APC: variants seen among roughly 807,000 people sequenced by gnomAD.
APC encodes the protein APC regulator of Wnt signaling pathway.
A neutral mutation model predicts 247.0 loss-of-function variants in APC; 72 were observed. That is an observed-to-expected ratio of 0.29 (90% CI 0.24 to 0.35). The LOEUF (loss-of-function observed/expected upper bound fraction) is 0.35, where lower values mean the gene tolerates loss of function less well. Ranked by LOEUF, APC falls within the 10% of genes least tolerant of loss-of-function variation. APC has a pLI of 1.00. For missense variants in APC, 3,400 were observed against 3,360.7 expected (o/e 1.01, Z -0.29); for synonymous variants, 1,254 against 1,162.5 (o/e 1.08, Z -1.60).
intron 8 of APC, among the ~76,000 whole-genome samples, chr5:112,811,050 C>A (rs983988903): frequency 2.0e-5 from 3 of 151,968 alleles, no homozygotes; most frequent in Non-Finnish European, 4.4e-5. Flanking sequence ...AAAAAAGAAC[C>A]AACATCTTAG....
chr5:112,749,030 C>G (rs1753995146), intron 1 of APC, among the ~76,000 whole-genome samples: 1 of 152,040 alleles, frequency 6.6e-6, no homozygotes. Flanking sequence ...CTCCTATTTC[C>G]AGGTTTTTAT....
intron 2 of APC, among the ~76,000 whole-genome samples, chr5:112,763,837 G>A (rs1454019420): frequency 6.6e-6 from 1 of 152,158 alleles, no homozygotes; most frequent in Non-Finnish European, 1.5e-5. Flanking sequence ...CTCTACCCCA[G>A]GCTTACTGAA....
chr5:112,746,870 T>G (rs1301578353), intron 1 of APC, among the ~76,000 whole-genome samples: 2 of 152,228 alleles, frequency 1.3e-5, no homozygotes, highest in Admixed American at 1.3e-4. Context: ...ACTTACAGAT[T>G]ATATGATTGC....
rs112745075 is a variant in APC at position 112,799,425 on chromosome 5, C to T, written c.730-1854C>T. Reference sequence around the variant, plus strand: ...TCCTCCACTCCCCATATCCTGTCAGCGAACCCGATCAGATTTACCTCTATG... The same window carrying T: ...TCCTCCACTCCCCATATCCTGTCAGTGAACCCGATCAGATTTACCTCTATG... On this transcript the variant is annotated intron_variant, in intron 7 of 15. Coordinates refer to ENST00000257430, the MANE Select transcript of APC (RefSeq NM_000038.6). Among the ~76,000 whole-genome samples, 745 of 152,098 alleles carry T rather than the reference C, an allele frequency of 4.9e-3. 7 individuals carry two copies. Among genetic ancestry groups the T allele is most frequent in the African/African-American group, 0.017 (707 of 41,474 alleles).
intron 8 of APC, chr5:112,810,085 CA>C (rs1400992311): frequency 2.2e-6 from 1 of 454,106 alleles, no homozygotes; most frequent in African/African-American, 2.0e-5. Context: ...TTAACTGATA[CA>C]GACTATAAGT....
At chr5:112,736,575 A>C (rs17358645), upstream of APC, among the ~76,000 whole-genome samples, 984 of 152,244 alleles carry the variant, frequency 6.5e-3, 5 homozygotes, top group Admixed American at 0.019. Flanking sequence ...GCTTCTTTTC[A>C]TACTATTTGA....
In APC at chr5:112,842,373, G is replaced by A. The variant is rs587781393; in HGVS notation, c.6779G>A (p.Ser2260Asn). Residue 2260 changes from serine to asparagine, a missense_variant, in exon 16 of 16, where the codon AGC becomes AAC. Physicochemically the swap from Ser to Asn is conservative, Grantham distance 46. Coordinates refer to ENST00000257430, the MANE Select transcript of APC (RefSeq NM_000038.6). ...GPPLKTPASK[S>N]PSEGQTATTS... is the part of the protein sequence containing the mutation. ...CCCCTTAAGACTCCAGCCTCCAAAA[G>A]CCCTAGTGAAGGTCAAACAGCCACC... is the stretch of plus-strand genomic sequence containing the variant. 1.7e-5 allele frequency: 27 copies of A among 1,613,878 alleles called. No individual in the cohort carries two copies. The highest frequency in any genetic ancestry group is 2.1e-5 in the Non-Finnish European group (25 of 1,179,946).
At chr5:112,812,227 G>T (rs564733616) in intron 8 of APC, among the ~76,000 whole-genome samples, 6 of 152,260 alleles carry the variant, frequency 3.9e-5, no homozygotes, top group Non-Finnish European at 7.4e-5. Flanking sequence ...ATACCAGGAG[G>T]CAAAGATCTA....
At chr5:112,828,124 C>A in intron 13 of APC, 118 bp downstream of exon 13, 1 of 832,160 alleles carries the variant, frequency 1.2e-6, no homozygotes, top group Non-Finnish European at 2.0e-6. Flanking sequence ...CAACCTCTGC[C>A]TCCAGGGTTC....
intron 1 of APC, among the ~76,000 whole-genome samples, chr5:112,720,113 G>A (rs759661548): frequency 6.6e-6 from 1 of 152,142 alleles, no homozygotes; most frequent in Non-Finnish European, 1.5e-5. Context: ...TGTGATGGAG[G>A]AGTGTTAAAA....
At chr5:112,758,149 A>G (rs974927022) in intron 2 of APC, among the ~76,000 whole-genome samples, 1 of 152,156 alleles carries the variant, frequency 6.6e-6, no homozygotes, top group African/African-American at 2.4e-5. Context: ...ATACTTAGGT[A>G]TATGTTTGAA....
At chr5:112,795,819 A>C (rs1017813658) in intron 7 of APC, among the ~76,000 whole-genome samples, 6 of 152,238 alleles carry the variant, frequency 3.9e-5, no homozygotes, top group Non-Finnish European at 8.8e-5. Context: ...AAAGCAAGAA[A>C]AATGAATTTT....
intron 1 of APC, among the ~76,000 whole-genome samples, chr5:112,727,588 G>A (rs1355327586): frequency 1.3e-5 from 2 of 152,056 alleles, no homozygotes; most frequent in East Asian, 3.8e-4. Flanking sequence ...GCTGATTTGT[G>A]TGTTATAAAC....
chr5:112,770,243 A>T (rs1183660582), intron 4 of APC, among the ~76,000 whole-genome samples: 1 of 152,172 alleles, frequency 6.6e-6, no homozygotes, highest in Non-Finnish European at 1.5e-5. Context: ...ATTTCTTGCT[A>T]GTCTTCCAGA....
In APC at chr5:112,763,214, G is replaced by A. The variant is rs380589; in HGVS notation, c.136-3112G>A. On this transcript the variant is annotated intron_variant, in intron 2 of 15. Transcript: ENST00000257430. ...ATTCACTATTTTATTAAATTAGGAA[G>A]TGTGGACAAAAAAAATCAAAATCAA... Among the ~76,000 whole-genome samples the A allele has an allele frequency of 0.98, 149,582 of 152,256 alleles. 73,539 individuals are homozygous for A. The highest frequency in any genetic ancestry group is 1 in the Middle Eastern group (294 of 294).
At chr5:112,799,451 T>C (rs937281567) in intron 7 of APC, among the ~76,000 whole-genome samples, 45 of 152,204 alleles carry the variant, frequency 3.0e-4, no homozygotes, top group African/African-American at 9.1e-4. Flanking sequence ...TACCTCTATG[T>C]CTCCACTTCT....
chr5:112,735,177 G>T (rs1232494936), upstream of APC, among the ~76,000 whole-genome samples: 1 of 151,674 alleles, frequency 6.6e-6, no homozygotes. Context: ...ATTTTGATCA[G>T]AAAAAATATA....
rs1766873137 is a variant in APC, at chr5:112,845,111, C to T, written c.*985C>T. ...TCTATGCATTAAGAGTAAAATTCCT[C>T]TTACTGTAATAAAAACAATTGAAGA... On this transcript the variant is annotated 3_prime_UTR_variant, in exon 16 of 16. Transcript: ENST00000257430. 2 of 232,268 alleles carry T rather than the reference C, an allele frequency of 8.6e-6. No individual in the cohort carries two copies. Among genetic ancestry groups the T allele is most frequent in the South Asian group, 3.6e-4 (2 of 5,516 alleles). The allele number at this position is 232,268 out of a possible 1,614,324, so 14.4% of individuals were successfully genotyped here.
At chr5:112,833,244 G>A (rs1409161787) in intron 14 of APC, among the ~76,000 whole-genome samples, 6 of 148,606 alleles carry the variant, frequency 4.0e-5, no homozygotes, top group African/African-American at 1.0e-4. Context: ...GTATAGTGGC[G>A]CAATCTCGGC....
Sources: allele counts gnomAD v4.1 joint callset (sites outside exome capture counted in the v4.1 genomes callset), GRCh38; gene constraint gnomAD v4.1.1; transcripts MANE v1.5; gene names NCBI Gene and HGNC (gene_info 2026-07-23, HGNC 2026-07-21).